MARCHF7: variants seen among roughly 807,000 people sequenced by gnomAD.
MARCHF7 encodes the protein E3 ubiquitin-protein ligase MARCHF7.
In MARCHF7, 20 loss-of-function variants were observed where a neutral mutation model predicts 76.5. The observed-to-expected ratio is 0.26, with a 90% CI of 0.18 to 0.38. The LOEUF (loss-of-function observed/expected upper bound fraction) is 0.38, where lower values mean the gene tolerates loss of function less well. Among genes scored for constraint, MARCHF7 ranks in the 10% least tolerant of loss-of-function variants. MARCHF7 has a pLI of 1.00. For synonymous variants in MARCHF7, 295 were observed against 293.0 expected, an observed-to-expected ratio of 1.01 and a Z score of -0.07; for missense variants, 797 against 812.9, an observed-to-expected ratio of 0.98 and a Z score of 0.24.
At chr2:159,713,720 T>C (rs549055897) in intron 1 of MARCHF7, among the ~76,000 whole-genome samples, 3 of 152,302 alleles carry the variant, frequency 2.0e-5, no homozygotes, top group Admixed American at 2.0e-4. Context: ...TTAACAGCTC[T>C]ACAGCATTTT....
intron 7 of MARCHF7, among the ~76,000 whole-genome samples, chr2:159,752,029 G>A (rs1705715032): frequency 6.6e-6 from 1 of 152,004 alleles, no homozygotes; most frequent in Non-Finnish European, 1.5e-5. Flanking sequence ...GAAGTAGTCT[G>A]GAATACTACA....
At chr2:159,745,682 AC>A in intron 5 of MARCHF7, 87 bp from the exon 6 acceptor site, 1 of 838,354 alleles carries the variant, frequency 1.2e-6, no homozygotes, top group South Asian at 2.0e-5. Context: ...AATAAATAAC[AC>A]TAACTTTCCT....
intron 1 of MARCHF7, among the ~76,000 whole-genome samples, chr2:159,714,038 C>T (rs1297126015): frequency 2.0e-5 from 3 of 152,116 alleles, no homozygotes; most frequent in Non-Finnish European, 4.4e-5. Context: ...AGATAAAGCA[C>T]GAGGATGCCC....
intron 4 of MARCHF7, among the ~76,000 whole-genome samples, chr2:159,729,707 A>G (rs1345571515): frequency 6.6e-6 from 1 of 152,078 alleles, no homozygotes; most frequent in African/African-American, 2.4e-5. Flanking sequence ...GACTTGGAAA[A>G]CCTTGTACGT....
At chr2:159,723,534 C>G (rs935538347) in intron 3 of MARCHF7, among the ~76,000 whole-genome samples, 3 of 152,142 alleles carry the variant, frequency 2.0e-5, no homozygotes, top group Non-Finnish European at 4.4e-5. Flanking sequence ...AGGCAGTGCC[C>G]CTCTGCTATT....
chr2:159,718,742 G>A (rs149330630), intron 3 of MARCHF7, among the ~76,000 whole-genome samples: 1 of 152,174 alleles, frequency 6.6e-6, no homozygotes, highest in East Asian at 1.9e-4. Flanking sequence ...TCCTCCTAAT[G>A]TTCTCTTAAA....
In MARCHF7 at chr2:159,721,783, C is replaced by T. The variant is rs113632914; in HGVS notation, c.-15+6017C>T. ...TATCATGACTGGGACTTCAGTGAGGCATACTTCACTGCCCTATCTGACTCC... is the reference window on the plus strand; with the variant it reads ...TATCATGACTGGGACTTCAGTGAGGTATACTTCACTGCCCTATCTGACTCC... On this transcript the variant is annotated intron_variant, in intron 3 of 11. Coordinates refer to ENST00000409175, the MANE Select transcript of MARCHF7 (RefSeq NM_001282805.2). Among the ~76,000 whole-genome samples, 624 of 152,260 alleles carry T rather than the reference C, an allele frequency of 4.1e-3. 3 individuals are homozygous for T. The highest frequency in any genetic ancestry group is 0.014 in the African/African-American group (570 of 41,532).
intron 3 of MARCHF7, among the ~76,000 whole-genome samples, chr2:159,727,245 T>C (rs939567217): frequency 2.7e-4 from 41 of 152,244 alleles, no homozygotes; most frequent in African/African-American, 8.9e-4. Flanking sequence ...ATTCCACTTA[T>C]ATGAGATACA....
chr2:159,723,622 T>C (rs550580719), intron 3 of MARCHF7, among the ~76,000 whole-genome samples: 100 of 152,302 alleles, frequency 6.6e-4, no homozygotes, highest in Middle Eastern at 3.4e-3. Context: ...GGTTTTTCAT[T>C]GTTTCCTACC....
chr2:159,763,001 A>G lies in MARCHF7; in HGVS notation c.2007+8A>G, dbSNP rs745835685. On this transcript the variant is annotated splice_region_variant and intron_variant, in intron 10 of 11. Transcript: ENST00000409175. ...CCAAGCACACGTGTCCGAGTAAGTAATAATGAAGTTGGGGAGAGGGAGGGT... is the reference window on the plus strand; with the variant it reads ...CCAAGCACACGTGTCCGAGTAAGTAGTAATGAAGTTGGGGAGAGGGAGGGT... 3.1e-6 allele frequency: 5 copies of G among 1,594,156 alleles called. No individual in the cohort carries two copies. The highest frequency in any genetic ancestry group is 4.3e-6 in the Non-Finnish European group (5 of 1,164,824).
intron 5 of MARCHF7, among the ~76,000 whole-genome samples, chr2:159,743,718 A>G (rs1704425966): frequency 7.4e-6 from 1 of 135,022 alleles, no homozygotes; most frequent in Admixed American, 8.1e-5. Context: ...TAGACAACAT[A>G]GTGAGACCCT....
At chr2:159,716,984 G>A (rs961147416) in intron 3 of MARCHF7, among the ~76,000 whole-genome samples, 3 of 152,132 alleles carry the variant, frequency 2.0e-5, no homozygotes, top group Non-Finnish European at 4.4e-5. Context: ...GATTTTGCCC[G>A]GGGCTTACTC....
chr2:159,745,199 G>A (rs1704701418), intron 5 of MARCHF7, among the ~76,000 whole-genome samples: 1 of 152,194 alleles, frequency 6.6e-6, no homozygotes, highest in African/African-American at 2.4e-5. Context: ...AGAAGTGATT[G>A]AGACATTGAC....
intron 2 of MARCHF7, among the ~76,000 whole-genome samples, chr2:159,715,445 C>T (rs1466889103): frequency 6.6e-6 from 1 of 152,120 alleles, no homozygotes; most frequent in Non-Finnish European, 1.5e-5. Context: ...CTCCCAGACT[C>T]AAGCAGTTCT....
chr2:159,725,459 C>T (rs1455147260), intron 3 of MARCHF7, among the ~76,000 whole-genome samples: 3 of 152,148 alleles, frequency 2.0e-5, no homozygotes, highest in Admixed American at 6.5e-5. Context: ...TTTCATGTGT[C>T]TGTTGGCTGC....
chr2:159,760,021 A>G (rs1485531238), intron 9 of MARCHF7, among the ~76,000 whole-genome samples: 2 of 152,172 alleles, frequency 1.3e-5, no homozygotes, highest in Non-Finnish European at 2.9e-5. Flanking sequence ...AAAACATAAA[A>G]ACCATTTTGT....
chr2:159,729,213 T>G, intron 4 of MARCHF7, 38 bp downstream of exon 4: 1 of 1,476,680 alleles, frequency 6.8e-7, no homozygotes, highest in South Asian at 1.3e-5. Context: ...TACAGCCTTT[T>G]TCAAAATCCC....
Position 159,729,112 on chromosome 2 carries a change from A to T in MARCHF7, c.90A>T (p.Gly30=). The T allele has an allele frequency of 6.2e-7, 1 of 1,611,080 alleles. No homozygotes were observed. The highest frequency in any genetic ancestry group is 8.5e-7 in the Non-Finnish European group (1 of 1,178,790). ...LSARMMSGSR[G]SSLNDTYHSR... is the part of the protein sequence containing the mutation. ...CTAGGATGATGTCTGGAAGCAGAGG[A>T]AGTAGTTTAAATGATACCTATCACT... Residue 30 remains glycine, a synonymous_variant, in exon 4 of 12, where the codon GGA becomes GGT. Coordinates refer to ENST00000409175, the MANE Select transcript of MARCHF7 (RefSeq NM_001282805.2).
rs1393055675 is a variant in MARCHF7 at position 159,759,351 on chromosome 2, C to G, written c.1893+16C>G. 1 of 1,454,306 alleles carries G rather than the reference C, an allele frequency of 6.9e-7. No individual in the cohort carries two copies. The highest frequency in any genetic ancestry group is 9.6e-7 in the Non-Finnish European group (1 of 1,042,302). 90.1% of individuals were successfully genotyped at this position (1,454,306 alleles called of 1,614,324 possible). A position where few individuals can be genotyped will look rare whatever the true frequency, so the allele number is the denominator to read the frequency against. ...AAATGAACAAGTTAGTATATTTTGC[C>G]TAATTTGGTAAGTGTCTATTCTATG... On this transcript the variant is annotated intron_variant, in intron 9 of 11. Transcript: ENST00000409175.
Sources: allele counts gnomAD v4.1 joint callset (sites outside exome capture counted in the v4.1 genomes callset), GRCh38; gene constraint gnomAD v4.1.1; transcripts MANE v1.5; gene names NCBI Gene and HGNC (gene_info 2026-07-23, HGNC 2026-07-21).